FILIP1L: variants seen among roughly 807,000 people sequenced by gnomAD.
FILIP1L encodes filamin A interacting protein 1 like.
A neutral mutation model predicts 96.6 loss-of-function variants in FILIP1L; 55 were observed. That is an observed-to-expected ratio of 0.57 (90% CI 0.46 to 0.71). The LOEUF is 0.71. FILIP1L is among the 30% of genes least tolerant of loss of function. The pLI, the probability that FILIP1L is intolerant of heterozygous loss-of-function variation, is 0.00. For missense variants in FILIP1L, 1,304 were observed against 1,321.2 expected (o/e 0.99, Z 0.20); for synonymous variants, 467 against 473.9 (o/e 0.99, Z 0.19).
At position 99,910,454 on chromosome 3, in the gene FILIP1L, T is replaced by A; in HGVS notation, c.605+13776A>T. ...GTTTCATTTCTTTAATAAATCTTCC[T>A]ATCACTGAGAGCTTTTAAAGTAAAC... On this transcript the variant is annotated intron_variant, in intron 4 of 5. Transcript: ENST00000477258. 1.5e-5 allele frequency among the ~76,000 whole-genome samples: 2 copies of A among 136,330 alleles called. 1 individual carries two copies. Among genetic ancestry groups the A allele is most frequent in the Non-Finnish European group, 3.4e-5 (2 of 59,670 alleles). 89.4% of individuals were successfully genotyped at this position (136,330 alleles called of 152,430 possible). A position where few individuals can be genotyped will look rare whatever the true frequency, so the allele number is the denominator to read the frequency against.
chr3:99,890,545 C>T (rs1384487778), intron 4 of FILIP1L, among the ~76,000 whole-genome samples: 1 of 152,044 alleles, frequency 6.6e-6, no homozygotes, highest in Non-Finnish European at 1.5e-5. Context: ...TCAGTTATTC[C>T]ATCTGTTTGG....
rs931120618 is a variant in FILIP1L at position 100,114,368 on chromosome 3, A to C, written c.-326T>G. 2.6e-5 allele frequency: 4 copies of C among 152,254 alleles called. No homozygotes were observed. Among genetic ancestry groups the C allele is most frequent in the African/African-American group, 9.7e-5 (4 of 41,402 alleles). The allele number at this position is 152,254 out of a possible 1,614,324, so 9.4% of individuals were successfully genotyped here. On this transcript the variant is annotated 5_prime_UTR_variant, in exon 1 of 6. Transcript: ENST00000477258. ...AGCCTTACCAAAACTCTTACCCCAC[A>C]GCTTGCCAGTCTCTGTGGAAGAAAG...
chr3:100,087,655 T>C (rs1187717355), intron 1 of FILIP1L, among the ~76,000 whole-genome samples: 1 of 151,984 alleles, frequency 6.6e-6, no homozygotes, highest in Non-Finnish European at 1.5e-5. Context: ...AACTTGCGAG[T>C]TTTTTTCCCC....
At chr3:99,980,463 T>A (rs538204261) in intron 1 of FILIP1L, among the ~76,000 whole-genome samples, 1 of 152,322 alleles carries the variant, frequency 6.6e-6, no homozygotes, top group South Asian at 2.1e-4. Context: ...ACCAGCACAT[T>A]TTTATTTCCA....
chr3:99,865,833 C>T (rs991404015), intron 4 of FILIP1L, among the ~76,000 whole-genome samples: 8 of 151,408 alleles, frequency 5.3e-5, no homozygotes, highest in Admixed American at 4.6e-4. Context: ...TTTTTTATTG[C>T]TCACAATCCA....
rs79332748 is a variant in FILIP1L at position 99,860,614 on chromosome 3, A to C, written c.606-9544T>G. 4.7e-3 allele frequency among the ~76,000 whole-genome samples: 718 copies of C among 152,302 alleles called. 20 individuals carry two copies. The highest frequency in any genetic ancestry group is 0.028 in the East Asian group (147 of 5,170). On this transcript the variant is annotated intron_variant, in intron 4 of 5. Transcript: ENST00000477258. ...CTACAAGGAGAATATTTTCATCTTG[A>C]GAACAAAGGAGGTGCCCATGATTCT...
intron 1 of FILIP1L, among the ~76,000 whole-genome samples, chr3:100,076,767 C>T (rs1197743545): frequency 6.6e-6 from 1 of 152,320 alleles, no homozygotes; most frequent in East Asian, 1.9e-4. Context: ...AATGTAACGT[C>T]TTCTCAGATT....
At chr3:100,080,509 T>C (rs1031609081) in intron 1 of FILIP1L, among the ~76,000 whole-genome samples, 4 of 152,172 alleles carry the variant, frequency 2.6e-5, no homozygotes, top group African/African-American at 9.7e-5. Flanking sequence ...CTGAATTTAG[T>C]ACCTGGGGCA....
chr3:100,034,340 T>C (rs1165684104), intron 1 of FILIP1L, among the ~76,000 whole-genome samples: 29 of 152,192 alleles, frequency 1.9e-4, no homozygotes, highest in Admixed American at 1.9e-3. Flanking sequence ...TAAGAAGTTA[T>C]TTGGTCTGTA....
chr3:99,942,594 G>A (rs773183079), intron 1 of FILIP1L, among the ~76,000 whole-genome samples: 12 of 152,232 alleles, frequency 7.9e-5, no homozygotes, highest in Non-Finnish European at 1.3e-4. Flanking sequence ...CCCTTTGGGA[G>A]ACCGAGGCGG....
At chr3:99,913,376 G>T (rs1706853266) in intron 4 of FILIP1L, among the ~76,000 whole-genome samples, 1 of 152,146 alleles carries the variant, frequency 6.6e-6, no homozygotes, top group Non-Finnish European at 1.5e-5. Context: ...TTATCTTTTT[G>T]ATTAAAGTTA....
intron 1 of FILIP1L, among the ~76,000 whole-genome samples, chr3:100,033,152 G>T (rs112527225): frequency 1.5e-3 from 234 of 152,160 alleles, no homozygotes; most frequent in African/African-American, 5.2e-3. Context: ...TGTGGTTACT[G>T]TATGGTAATG....
chr3:99,965,801 T>C (rs1394904071), intron 1 of FILIP1L, among the ~76,000 whole-genome samples: 3 of 152,210 alleles, frequency 2.0e-5, no homozygotes, highest in Admixed American at 2.0e-4. Flanking sequence ...ATGAAAATGC[T>C]TTATAAACTG....
chr3:99,898,296 A>G (rs1439537440), intron 4 of FILIP1L: 4 of 152,208 alleles, frequency 2.6e-5, no homozygotes, highest in African/African-American at 9.7e-5. Context: ...CAAACAAATT[A>G]TACTATATGG....
chr3:100,089,559 G>A lies in FILIP1L; in HGVS notation c.-11+24494C>T, dbSNP rs532500806. ...TGTCAAGCAAAAAGGATAGGAAGCAGAAACATTTCTAAAACTGAACAATTT... is the reference window on the plus strand; with the variant it reads ...TGTCAAGCAAAAAGGATAGGAAGCAAAAACATTTCTAAAACTGAACAATTT... On this transcript the variant is annotated intron_variant, in intron 1 of 5. Coordinates refer to ENST00000477258, the MANE Select transcript of FILIP1L (RefSeq NM_001387850.1). Among the ~76,000 whole-genome samples the A allele has an allele frequency of 5.0e-3, 760 of 152,288 alleles. 4 individuals carry two copies. Among genetic ancestry groups the A allele is most frequent in the African/African-American group, 0.017 (714 of 41,574 alleles).
intron 1 of FILIP1L, among the ~76,000 whole-genome samples, chr3:100,070,999 T>C (rs1416185088): frequency 1.3e-5 from 2 of 152,098 alleles, no homozygotes; most frequent in Admixed American, 6.5e-5. Context: ...TTTGTTTTGC[T>C]TTTAAGCTAT....
chr3:99,852,272 G>C (rs1174017405), intron 4 of FILIP1L, among the ~76,000 whole-genome samples: 21 of 152,144 alleles, frequency 1.4e-4, no homozygotes. Flanking sequence ...CAAAGGACTT[G>C]TCATGGATGA....
chr3:99,834,458 A>C (rs1942814358), intron 5 of FILIP1L, among the ~76,000 whole-genome samples: 1 of 152,240 alleles, frequency 6.6e-6, no homozygotes, highest in Admixed American at 6.5e-5. Context: ...CAGTGGGGGC[A>C]ATCCAAGAAT....
At chr3:99,878,761 G>A (rs1054822618) in intron 4 of FILIP1L, among the ~76,000 whole-genome samples, 1 of 152,162 alleles carries the variant, frequency 6.6e-6, no homozygotes, top group African/African-American at 2.4e-5. Context: ...GAGGGAGCAG[G>A]ACCTTTAACT....
Sources: gnomAD v4.1 joint callset for allele counts (sites outside exome capture counted in the v4.1 genomes callset) on GRCh38, gnomAD v4.1.1 for gene constraint, MANE v1.5 for transcripts, NCBI Gene and HGNC (gene_info 2026-07-23, HGNC 2026-07-21) for gene names.